GPC6: variants seen among roughly 807,000 people sequenced by gnomAD.
GPC6 encodes glypican-6.
In GPC6, 14 loss-of-function variants were observed where a neutral mutation model predicts 55.2. That is an observed-to-expected ratio of 0.25 (90% CI 0.17 to 0.40). The LOEUF (loss-of-function observed/expected upper bound fraction) is 0.40. GPC6 is among the 10% of genes least tolerant of loss of function. The probability of loss-of-function intolerance (pLI) is 1.00; values close to 1 mark genes in which losing one functional copy is unlikely to be tolerated. For synonymous variants in GPC6, 278 were observed against 259.6 expected, an observed-to-expected ratio of 1.07 and a Z score of -0.68; for missense variants, 641 against 708.5, an observed-to-expected ratio of 0.90 and a Z score of 1.08.
chr13:93,743,490 T>A (rs1884279236), intron 2 of GPC6, among the ~76,000 whole-genome samples: 1 of 152,164 alleles, frequency 6.6e-6, no homozygotes, highest in Non-Finnish European at 1.5e-5. Context: ...TCTCTAATTT[T>A]CATTATTTTT....
At chr13:94,079,903 A>G (rs1885046731) in intron 4 of GPC6, among the ~76,000 whole-genome samples, 1 of 152,166 alleles carries the variant, frequency 6.6e-6, no homozygotes, top group Non-Finnish European at 1.5e-5. Context: ...TGCAACAAAT[A>G]TTTGCTAATT....
At chr13:94,010,241 A>G (rs1020515425) in intron 3 of GPC6, among the ~76,000 whole-genome samples, 4 of 152,184 alleles carry the variant, frequency 2.6e-5, no homozygotes, top group Non-Finnish European at 5.9e-5. Flanking sequence ...AACTTCCTTC[A>G]AAAAGGACTT....
At chr13:93,590,231 C>T (rs566822873) in intron 2 of GPC6, among the ~76,000 whole-genome samples, 1 of 152,086 alleles carries the variant, frequency 6.6e-6, no homozygotes, top group Non-Finnish European at 1.5e-5. Flanking sequence ...GTGAGTTTTC[C>T]ATTAATAGTT....
intron 1 of GPC6, among the ~76,000 whole-genome samples, chr13:93,342,635 C>A (rs1229614059): frequency 6.6e-6 from 1 of 152,060 alleles, no homozygotes; most frequent in Non-Finnish European, 1.5e-5. Context: ...TGGAAGTAAG[C>A]TAGGAGAGAA....
intron 2 of GPC6, among the ~76,000 whole-genome samples, chr13:93,747,993 A>G (rs1348330177): frequency 6.6e-6 from 1 of 152,174 alleles, no homozygotes; most frequent in East Asian, 1.9e-4. Flanking sequence ...TTGATAATAG[A>G]TAATGTAAAA....
At chr13:93,575,881 C>G (rs1876640336) in intron 2 of GPC6, among the ~76,000 whole-genome samples, 1 of 152,092 alleles carries the variant, frequency 6.6e-6, no homozygotes, top group Admixed American at 6.6e-5. Flanking sequence ...CTCCAATCTA[C>G]AAAGCTGAGA....
At position 94,407,617 on chromosome 13, in the gene GPC6, G is replaced by A. The variant is rs577445351; in HGVS notation, c.*4400G>A. On this transcript the variant is annotated 3_prime_UTR_variant, in exon 9 of 9. Coordinates refer to ENST00000377047, the MANE Select transcript of GPC6 (RefSeq NM_005708.5). Reference sequence around the variant, plus strand: ...ATTTAGAGCTTCCCAAATGTGTATGGAAAATACTGTAGCGCTGTTCTTTTG... The same window carrying A: ...ATTTAGAGCTTCCCAAATGTGTATGAAAAATACTGTAGCGCTGTTCTTTTG... Among the ~76,000 whole-genome samples the A allele has an allele frequency of 6.8e-4, 104 of 152,256 alleles. 1 individual carries two copies. Among genetic ancestry groups the A allele is most frequent in the African/African-American group, 2.3e-3 (96 of 41,582 alleles).
rs1566531221 is a variant in GPC6, at chr13:93,227,540, G to A, written c.84G>A (p.Arg28=). The change falls in exon 1 of 9, where the codon CGG becomes CGA. Residue 28 remains arginine (R), a synonymous_variant. Coordinates refer to ENST00000377047, the MANE Select transcript of GPC6 (RefSeq NM_005708.5). The surrounding 1 kb of genome is among the most constrained non-coding windows in gnomAD (Gnocchi z 4.3). ...SLPAGADVKA[R]SCGEVRQAYG... ...CCGCCGGGGCGGATGTGAAGGCTCG[G>A]AGCTGCGGAGAGGTCCGCCAGGCGT... The A allele has an allele frequency of 6.2e-7, 1 of 1,613,436 alleles. No individual in the cohort carries two copies. Among genetic ancestry groups the A allele is most frequent in the African/African-American group, 1.3e-5 (1 of 74,918 alleles).
At chr13:93,897,906 C>T (rs1876105876) in intron 3 of GPC6, among the ~76,000 whole-genome samples, 1 of 152,104 alleles carries the variant, frequency 6.6e-6, no homozygotes, top group South Asian at 2.1e-4. Context: ...TTCCCAATTC[C>T]CTATATCTAT....
In GPC6 at chr13:93,571,477, TA is replaced by T. The variant is rs561536046; in HGVS notation, c.319+26057del. 3.4e-3 allele frequency among the ~76,000 whole-genome samples: 521 copies of T among 152,326 alleles called. 4 individuals are homozygous for T. The highest frequency in any genetic ancestry group is 0.012 in the African/African-American group (492 of 41,578). Reference sequence around the variant, plus strand: ...ATCAGGAATTTGTTTTATATAATTTTATGCCTCTTACAAATTTATAACTTCA... The same window carrying T: ...ATCAGGAATTTGTTTTATATAATTTTTGCCTCTTACAAATTTATAACTTCA... On this transcript the variant is annotated intron_variant, in intron 2 of 8. Coordinates refer to ENST00000377047, the MANE Select transcript of GPC6 (RefSeq NM_005708.5).
chr13:94,165,490 G>C (rs1379016491), intron 4 of GPC6, among the ~76,000 whole-genome samples: 1 of 151,820 alleles, frequency 6.6e-6, no homozygotes, highest in Non-Finnish European at 1.5e-5. Context: ...TGGGGACTCA[G>C]GGGAAATGGT....
At chr13:93,468,788 G>A (rs1448532611) in intron 1 of GPC6, among the ~76,000 whole-genome samples, 6 of 152,138 alleles carry the variant, frequency 3.9e-5, no homozygotes, top group Non-Finnish European at 8.8e-5. Flanking sequence ...TGCAAGGATG[G>A]GGCAGTTTCA....
chr13:93,729,263 G>A (rs1411651046), intron 2 of GPC6, among the ~76,000 whole-genome samples: 1 of 152,136 alleles, frequency 6.6e-6, no homozygotes, highest in Non-Finnish European at 1.5e-5. Flanking sequence ...AAAGAGTCCA[G>A]GAGAGAGCCA....
chr13:94,180,339 A>G (rs971389701), intron 4 of GPC6, among the ~76,000 whole-genome samples: 3 of 152,218 alleles, frequency 2.0e-5, no homozygotes, highest in African/African-American at 4.8e-5. Flanking sequence ...TGTTTGGATC[A>G]TGCTCTTCTG....
In GPC6 at chr13:94,246,813, G is replaced by GT. The variant is rs909819718; in HGVS notation, c.878-39528dup. On this transcript the variant is annotated intron_variant, in intron 4 of 8. Transcript: ENST00000377047. ...GGAAGTGTGATGCCTCCAACTTTGG[G>GT]TTTTTTTTCTCTTTCACAGAATCGT... is the stretch of plus-strand genomic sequence containing the variant. Among the ~76,000 whole-genome samples, 17 of 151,644 alleles carry GT rather than the reference G, an allele frequency of 1.1e-4. No homozygotes were observed. In the East Asian group the frequency reaches 1.4e-3, roughly 12 times the overall value.
intron 1 of GPC6, among the ~76,000 whole-genome samples, chr13:93,239,231 A>AT (rs1245157088): frequency 6.6e-6 from 1 of 151,800 alleles, no homozygotes; most frequent in East Asian, 1.9e-4. Flanking sequence ...TTGTTGGAAA[A>AT]TTTTTTAAAT....
intron 2 of GPC6, among the ~76,000 whole-genome samples, chr13:93,767,316 A>G (rs748936756): frequency 3.9e-5 from 6 of 152,328 alleles, no homozygotes; most frequent in East Asian, 1.9e-4. Flanking sequence ...TGTTGAAAGA[A>G]GTAAAGCAAA....
At chr13:94,114,588 G>T (rs1886367808) in intron 4 of GPC6, among the ~76,000 whole-genome samples, 1 of 152,100 alleles carries the variant, frequency 6.6e-6, no homozygotes, top group Non-Finnish European at 1.5e-5. Flanking sequence ...GGTTAGGATA[G>T]TGGGTGGGGT....
chr13:93,407,363 G>T lies in GPC6; in HGVS notation c.161-137900G>T, dbSNP rs543023228. 3.3e-5 allele frequency among the ~76,000 whole-genome samples: 5 copies of T among 151,862 alleles called. No individual in the cohort carries two copies. In the South Asian group the frequency reaches 1.0e-3, roughly 32 times the overall value. On this transcript the variant is annotated intron_variant, in intron 1 of 8. Coordinates refer to ENST00000377047, the MANE Select transcript of GPC6 (RefSeq NM_005708.5). ...CCTTGTACTTTTAACTTTCTTGAAG[G>T]TTAGAAAATTTTTAGATTGCAAAGT... is the stretch of plus-strand genomic sequence containing the variant.
Sources: allele counts gnomAD v4.1 joint callset (sites outside exome capture counted in the v4.1 genomes callset), GRCh38; gene constraint gnomAD v4.1.1; non-coding constraint Gnocchi (gnomAD v3.1); transcripts MANE v1.5; gene names NCBI Gene and HGNC (gene_info 2026-07-23, HGNC 2026-07-21).